HPD: variants seen among roughly 807,000 people sequenced by gnomAD.
HPD encodes 4-hydroxyphenylpyruvate dioxygenase.
Under a neutral mutation model 56.9 loss-of-function variants are expected in HPD, and 35 were observed. The observed-to-expected ratio is 0.62, with a 90% CI of 0.47 to 0.82. The LOEUF (loss-of-function observed/expected upper bound fraction) is 0.82. Among genes scored for constraint, HPD ranks in the 40% least tolerant of loss-of-function variants. The pLI, the probability that HPD is intolerant of heterozygous loss-of-function variation, is 0.00. For synonymous variants in HPD, 186 were observed against 200.2 expected, an observed-to-expected ratio of 0.93 and a Z score of 0.60; for missense variants, 442 against 506.8, an observed-to-expected ratio of 0.87 and a Z score of 1.23.
At chr12:121,870,497 A>G in the HPD span, among the ~76,000 whole-genome samples, 1 of 144,878 alleles carries the variant, frequency 6.9e-6, no homozygotes, top group African/African-American at 2.6e-5. Context: ...ACACAGTAAG[A>G]CTCTGTCTCA....
chr12:121,855,365 T>C (rs1877953634), intron 6 of HPD, among the ~76,000 whole-genome samples: 1 of 152,126 alleles, frequency 6.6e-6, no homozygotes, highest in Non-Finnish European at 1.5e-5. Flanking sequence ...GAACGCACAC[T>C]CTGAATCTGT....
intron 7 of HPD, among the ~76,000 whole-genome samples, chr12:121,854,095 A>G (rs934323475): frequency 1.3e-5 from 2 of 151,900 alleles, no homozygotes; most frequent in Admixed American, 1.3e-4. Context: ...TAAAAATACA[A>G]AAAAGAAAAA....
At chr12:121,848,881 C>G in intron 9 of HPD, 118 bp downstream of exon 9, 1 of 835,494 alleles carries the variant, frequency 1.2e-6, no homozygotes, top group South Asian at 1.3e-5. Context: ...GCTGGGATTA[C>G]GGGTGTGAGC....
chr12:121,867,783 G>A (rs975979611), upstream of HPD, among the ~76,000 whole-genome samples: 14 of 152,110 alleles, frequency 9.2e-5, no homozygotes, highest in African/African-American at 3.4e-4. Context: ...CAAAGGGAGG[G>A]ACCCCTGGGA....
At chr12:121,848,307 TTTA>T (rs752613707) in intron 9 of HPD, among the ~76,000 whole-genome samples, 25 of 152,012 alleles carry the variant, frequency 1.6e-4, no homozygotes, top group Non-Finnish European at 2.6e-4. Context: ...TTTATTTTAC[TTTA>T]TTATTATTAT....
At chr12:121,870,942 G>A in the HPD span, among the ~76,000 whole-genome samples, 1 of 152,086 alleles carries the variant, frequency 6.6e-6, no homozygotes, top group African/African-American at 2.4e-5. Flanking sequence ...GAACATTAAA[G>A]CTTGCTCTGC....
chr12:121,840,083 C>G, intron 12 of HPD, 35 bp from the exon 13 acceptor site: 1 of 1,409,104 alleles, frequency 7.1e-7, no homozygotes, highest in Non-Finnish European at 1.0e-6. Context: ...CTAGGGGAGG[C>G]TGGCACGGTG....
intron 4 of HPD, chr12:121,856,928 T>C: frequency 1.9e-6 from 1 of 519,586 alleles, no homozygotes; most frequent in Admixed American, 3.2e-5. Context: ...TCCCAGGTTT[T>C]CTGAGCACCT....
In HPD at chr12:121,857,870, A is replaced by C. The variant is rs745930799; in HGVS notation, c.31-51T>G. On this transcript the variant is annotated intron_variant, in intron 2 of 13. Coordinates refer to ENST00000289004, the MANE Select transcript of HPD (RefSeq NM_002150.3). ...TTGAGTCCCTGAAAGTGAGTCTAGA[A>C]AAGTGCGGGTGGAGTGATGTCCCCT... 10 of 1,456,778 alleles carry C rather than the reference A, an allele frequency of 6.9e-6. No individual in the cohort carries two copies. In the South Asian group the frequency reaches 1.1e-4, roughly 17 times the overall value. 90.2% of individuals were successfully genotyped at this position (1,456,778 alleles called of 1,614,324 possible).
intron 3 of HPD, 28 bp from the exon 4 acceptor site, chr12:121,857,460 A>G (rs772131282): frequency 2.0e-6 from 3 of 1,535,502 alleles, no homozygotes; most frequent in Non-Finnish European, 2.7e-6. Flanking sequence ...AGCAGGGTTC[A>G]TGAGGGTCAA....
rs1877676200 is a variant in HPD, at chr12:121,849,023, T to C, written c.572A>G (p.Gln191Arg). The change falls in exon 9 of 14, where the codon CAG (glutamine) becomes CGG (arginine). Residue 191 changes from glutamine to arginine, a missense_variant. Coordinates refer to ENST00000289004, the MANE Select transcript of HPD (RefSeq NM_002150.3). ...IDHIVGNQPD[Q>R]EMVSASEWYL... ...CCATTCGGAGGCGGACACCATCTCC[T>C]GATCAGGCTGGTTTCCCACAATGTG... is the stretch of plus-strand genomic sequence containing the variant. The C allele has an allele frequency of 1.2e-6, 2 of 1,613,890 alleles. No individual in the cohort carries two copies. Among genetic ancestry groups the C allele is most frequent in the Non-Finnish European group, 1.7e-6 (2 of 1,179,928 alleles).
At position 121,845,533 on chromosome 12, in the gene HPD, G is replaced by A. The variant is rs540508346; in HGVS notation, c.831+1329C>T. Among the ~76,000 whole-genome samples the A allele has an allele frequency of 6.3e-3, 934 of 149,298 alleles. 22 individuals carry two copies. Among genetic ancestry groups the A allele is most frequent in the African/African-American group, 0.022 (873 of 39,754 alleles). The stretch of plus-strand genomic sequence containing the variant: ...GGAGAATGGCGTGAACCCAGGAGGC[G>A]GAGCTTGCAGTGAGCCGAGATCGCG... On this transcript the variant is annotated intron_variant, in intron 11 of 13. Coordinates refer to ENST00000289004, the MANE Select transcript of HPD (RefSeq NM_002150.3).
At chr12:121,850,946 G>A (rs190248452) in intron 7 of HPD, among the ~76,000 whole-genome samples, 16 of 136,578 alleles carry the variant, frequency 1.2e-4, no homozygotes, top group Non-Finnish European at 1.9e-4. Context: ...TCACCACAAC[G>A]TCTGCCTCCC....
the HPD span, among the ~76,000 whole-genome samples, chr12:121,874,867 T>G: frequency 4.0e-5 from 6 of 151,888 alleles, no homozygotes; most frequent in African/African-American, 1.4e-4. Context: ...GTTCAAGCGA[T>G]TCCCTTGCCT....
intron 2 of HPD, among the ~76,000 whole-genome samples, chr12:121,858,073 G>A (rs994647574): frequency 6.6e-6 from 1 of 152,326 alleles, no homozygotes; most frequent in East Asian, 1.9e-4. Context: ...GACTTATGTT[G>A]CAGCAATATG....
chr12:121,883,683 T>TTTC, the HPD span, among the ~76,000 whole-genome samples: 9 of 47,254 alleles, frequency 1.9e-4, no homozygotes, highest in Non-Finnish European at 8.4e-5. Flanking sequence ...TCCTTCTTTC[T>TTTC]TTTTTTTTTT....
chr12:121,884,223 T>C, the HPD span, among the ~76,000 whole-genome samples: 278 of 149,156 alleles, frequency 1.9e-3, 2 homozygotes, highest in African/African-American at 6.8e-3. Context: ...CAGGCTGGAG[T>C]GCAGTGGCAT....
At chr12:121,883,687 T>TTC in the HPD span, among the ~76,000 whole-genome samples, 1 of 151,068 alleles carries the variant, frequency 6.6e-6, no homozygotes. Flanking sequence ...TCTTTCTTTT[T>TTC]TTTTTTTTTT....
chr12:121,846,840 G>A lies in HPD; in HGVS notation c.831+22C>T, dbSNP rs183844361. Reference sequence around the variant, plus strand: ...CTGGCTCTGAATGAGAGAGGAATTCGGACAGGGAAGGGGGTTCTAACCGCT... The same window carrying A: ...CTGGCTCTGAATGAGAGAGGAATTCAGACAGGGAAGGGGGTTCTAACCGCT... On this transcript the variant is annotated intron_variant, in intron 11 of 13. Coordinates refer to ENST00000289004, the MANE Select transcript of HPD (RefSeq NM_002150.3). 9.0e-4 allele frequency: 1,455 copies of A among 1,611,314 alleles called. 13 individuals carry two copies. In the African/African-American group the frequency reaches 0.017, roughly 19 times the overall value.
Sources: gnomAD v4.1 joint callset for allele counts (sites outside exome capture counted in the v4.1 genomes callset) on GRCh38, gnomAD v4.1.1 for gene constraint, MANE v1.5 for transcripts, NCBI Gene and HGNC (gene_info 2026-07-23, HGNC 2026-07-21) for gene names.